The following CACNA1I variants were observed in gnomAD, a reference collection of about 807,000 sequenced individuals.
CACNA1I encodes the protein voltage-dependent T-type calcium channel subunit alpha-1I.
A neutral mutation model predicts 201.6 loss-of-function variants in CACNA1I; 74 were observed. That is an observed-to-expected ratio of 0.37 (90% CI 0.30 to 0.45). The LOEUF (loss-of-function observed/expected upper bound fraction) is 0.45, where lower values mean the gene tolerates loss of function less well. Among genes scored for constraint, CACNA1I ranks in the 20% least tolerant of loss-of-function variants. The probability of loss-of-function intolerance (pLI) is 1.00; values close to 1 mark genes in which losing one functional copy is unlikely to be tolerated. For missense variants in CACNA1I, 2,346 were observed against 3,138.1 expected (o/e 0.75, Z 6.03); for synonymous variants, 1,431 against 1,345.2 (o/e 1.06, Z -1.40).
At position 39,676,727 on chromosome 22, in the gene CACNA1I, A is replaced by C. The variant is rs5995766; in HGVS notation, c.4855-614A>C. Among the ~76,000 whole-genome samples the C allele has an allele frequency of 1.8e-3, 279 of 152,278 alleles. 1 individual carries two copies. The highest frequency in any genetic ancestry group is 6.7e-3 in the African/African-American group (278 of 41,546). Reference sequence around the variant, plus strand: ...GGCCCAAGGAGGCAAATCTGACCTCATGCAGCTGTGTTCCTGCTCTTGAAG... The same window carrying C: ...GGCCCAAGGAGGCAAATCTGACCTCCTGCAGCTGTGTTCCTGCTCTTGAAG... On this transcript the variant is annotated intron_variant, in intron 29 of 36. Transcript: ENST00000402142. The surrounding 1 kb of genome is among the most constrained non-coding windows in gnomAD (Gnocchi z 4.8).
At chr22:39,585,946 G>A (rs954937350) in intron 1 of CACNA1I, among the ~76,000 whole-genome samples, 1 of 151,736 alleles carries the variant, frequency 6.6e-6, no homozygotes, top group Non-Finnish European at 1.5e-5. Flanking sequence ...TTTGGAGGCC[G>A]AGGTGGGTGG....
chr22:39,594,912 G>GT (rs1932862843), intron 1 of CACNA1I, among the ~76,000 whole-genome samples: 1 of 152,148 alleles, frequency 6.6e-6, no homozygotes, highest in Non-Finnish European at 1.5e-5. Context: ...TATTTACTAT[G>GT]TTTTTTTCCT....
chr22:39,625,191 C>T (rs886573740), intron 4 of CACNA1I, among the ~76,000 whole-genome samples: 5 of 151,928 alleles, frequency 3.3e-5, no homozygotes, highest in Non-Finnish European at 7.4e-5. Flanking sequence ...CAAGCGTGAG[C>T]CACCGTGCCC....
rs542625556 is a variant in CACNA1I at position 39,601,100 on chromosome 22, C to T, written c.482+447C>T. On this transcript the variant is annotated intron_variant, in intron 3 of 36. Transcript: ENST00000402142. ...TTATTTCTACCGAGACACAAGCTGC[C>T]GTCAGGGACAGGCCTGGTTACAGCT... 1.7e-4 allele frequency among the ~76,000 whole-genome samples: 26 copies of T among 152,278 alleles called. No individual in the cohort carries two copies. The East Asian group carries it at 2.3e-3, about 14-fold the overall frequency.
At chr22:39,626,624 G>A (rs991192300) in intron 4 of CACNA1I, among the ~76,000 whole-genome samples, 4 of 151,974 alleles carry the variant, frequency 2.6e-5, no homozygotes, top group Non-Finnish European at 4.4e-5. Flanking sequence ...TTGAGACGGA[G>A]TCTTGCTCTG....
chr22:39,627,897 AG>A (rs1933943627), intron 4 of CACNA1I, among the ~76,000 whole-genome samples: 1 of 60,998 alleles, frequency 1.6e-5, no homozygotes, highest in African/African-American at 6.4e-5. Flanking sequence ...AGATGAAATG[AG>A]GGGGGCCAGT....
Position 39,649,354 on chromosome 22 carries a change from G to C in CACNA1I, c.1568-147G>C. On this transcript the variant is annotated intron_variant, in intron 9 of 36. Transcript: ENST00000402142. This position sits in a 1 kb window ranked among gnomAD's most constrained non-coding sequence, Gnocchi z 7.3. ...TCAGAGAGCTGCAGCCGCTTCCCCA[G>C]GCACCCCTGACCGCCTTTCCAGGCT... is the stretch of plus-strand genomic sequence containing the variant. 2 of 778,718 alleles carry C rather than the reference G, an allele frequency of 2.6e-6. No homozygotes were observed. Among genetic ancestry groups the C allele is most frequent in the Non-Finnish European group, 3.9e-6 (2 of 506,998 alleles). 48.2% of individuals were successfully genotyped at this position (778,718 alleles called of 1,614,324 possible). A position where few individuals can be genotyped will look rare whatever the true frequency, so the allele number is the denominator to read the frequency against.
chr22:39,592,036 T>G (rs1044651958), intron 1 of CACNA1I, among the ~76,000 whole-genome samples: 1 of 152,256 alleles, frequency 6.6e-6, no homozygotes, highest in Admixed American at 6.5e-5. Flanking sequence ...TTCTGAAGAC[T>G]TTGAGAGGTG....
chr22:39,623,812 G>A (rs1173878154), intron 4 of CACNA1I, among the ~76,000 whole-genome samples: 1 of 143,486 alleles, frequency 7.0e-6, no homozygotes, highest in African/African-American at 2.6e-5. Context: ...GGGTGTGTAC[G>A]TGTCAAGAGT....
Position 39,673,899 on chromosome 22 carries a change from T to C in CACNA1I, c.4784-64T>C, listed in dbSNP as rs2057583451. On this transcript the variant is annotated intron_variant, in intron 28 of 36. Transcript: ENST00000402142. ...TCCCAAGTTTACACACGTGCACACATGCGTGCACACACACGTCCCCACCGG... is the reference window on the plus strand; with the variant it reads ...TCCCAAGTTTACACACGTGCACACACGCGTGCACACACACGTCCCCACCGG... 4.0e-6 allele frequency: 6 copies of C among 1,495,776 alleles called. No individual in the cohort carries two copies. In the South Asian group the frequency reaches 5.7e-5, roughly 14 times the overall value. The allele number at this position is 1,495,776 out of a possible 1,614,324, so 92.7% of individuals were successfully genotyped here.
rs1248685159 is a variant in CACNA1I, at chr22:39,679,117, G to A, written c.5066G>A (p.Arg1689Gln). ...CTCCCTGCCACGCAGGACACGCTGC[G>A]GGACTGCACCCACGACGAGCGCAGC... The part of the protein sequence containing the change: ...NWNGIMKDTL[R>Q]DCTHDERSCL... Residue 1689 changes from arginine (R) to glutamine (Q), a missense_variant, in exon 32 of 37, where the codon CGG becomes CAG. Arg to Gln is a conservative substitution (Grantham distance 43, BLOSUM62 1). Around this residue, in one of 13 missense-constraint regions of CACNA1I, gnomAD observed 64 missense variants for 131.8 expected, o/e 0.49. Coordinates refer to ENST00000402142, the MANE Select transcript of CACNA1I (RefSeq NM_021096.4). 1.9e-6 allele frequency: 3 copies of A among 1,591,648 alleles called. No individual in the cohort carries two copies. Among genetic ancestry groups the A allele is most frequent in the Admixed American group, 3.5e-5 (2 of 57,910 alleles).
chr22:39,645,887 G>A (rs1171855059), intron 7 of CACNA1I, among the ~76,000 whole-genome samples: 8 of 152,202 alleles, frequency 5.3e-5, no homozygotes, highest in Non-Finnish European at 1.0e-4. Flanking sequence ...CACAGATAAA[G>A]CCACATGAAA....
intron 24 of CACNA1I, among the ~76,000 whole-genome samples, chr22:39,669,730 G>A (rs1441964285): frequency 6.6e-6 from 1 of 152,108 alleles, no homozygotes; most frequent in Non-Finnish European, 1.5e-5. Flanking sequence ...TGGGAGGATA[G>A]GTGGATGGAT....
intron 26 of CACNA1I, among the ~76,000 whole-genome samples, 183 bp from the exon 27 acceptor site, chr22:39,672,016 G>A (rs1935390051): frequency 1.3e-5 from 2 of 152,116 alleles, no homozygotes; most frequent in Non-Finnish European, 2.9e-5. Context: ...GGGAACAGAA[G>A]GAATAGCAGC....
chr22:39,577,707 A>G (rs1932406137), intron 1 of CACNA1I, among the ~76,000 whole-genome samples: 1 of 152,190 alleles, frequency 6.6e-6, no homozygotes, highest in African/African-American at 2.4e-5. Flanking sequence ...GCGAGAAACG[A>G]CGGTGGACCA....
chr22:39,600,674 AG>A, intron 3 of CACNA1I, 21 bp downstream of exon 3: 3 of 1,590,092 alleles, frequency 1.9e-6, no homozygotes, highest in Non-Finnish European at 2.6e-6. Flanking sequence ...CCCGCCAGGC[AG>A]GTCCTAGCCT....
rs370614164 is a variant in CACNA1I at position 39,659,070 on chromosome 22, G to A, written c.2284G>A (p.Val762Met). The change falls in exon 12 of 37, where the codon GTG (valine) becomes ATG (methionine). Residue 762 changes from valine to methionine, a missense_variant. Around this residue, in one of 13 missense-constraint regions of CACNA1I, gnomAD observed 155 missense variants for 300.8 expected, o/e 0.52. Coordinates refer to ENST00000402142, the MANE Select transcript of CACNA1I (RefSeq NM_021096.4). This position sits in a 1 kb window ranked among gnomAD's most constrained non-coding sequence, Gnocchi z 4.3. The part of the protein sequence containing the change: ...LVVLMKTMDN[V>M]ATFCMLLMLF... ...GGTGCTCATGAAGACCATGGACAAC[G>A]TGGCCACCTTCTGCATGCTGCTCAT... 3.1e-6 allele frequency: 5 copies of A among 1,613,518 alleles called. No homozygotes were observed. The highest frequency in any genetic ancestry group is 3.3e-5 in the Admixed American group (2 of 59,950).
intron 29 of CACNA1I, among the ~76,000 whole-genome samples, chr22:39,674,803 G>T (rs1032794415): frequency 2.0e-5 from 3 of 152,118 alleles, no homozygotes; most frequent in African/African-American, 7.2e-5. Flanking sequence ...AAAATACAAG[G>T]CACAGATACT....
rs749669916 is a variant in CACNA1I, at chr22:39,680,914, C to T, written c.5542-16C>T. 7.5e-6 allele frequency: 12 copies of T among 1,603,724 alleles called. No homozygotes were observed. Among genetic ancestry groups the T allele is most frequent in the Non-Finnish European group, 1.0e-5 (12 of 1,176,384 alleles). On this transcript the variant is annotated splice_polypyrimidine_tract_variant and intron_variant, in intron 33 of 36. Transcript: ENST00000402142. ...CCCAAACCTGGGTGACCCGAGGCCA[C>T]CCCCTCTTCCTGCAGGTGCAGCTGG...
Sources: allele counts gnomAD v4.1 joint callset (sites outside exome capture counted in the v4.1 genomes callset), GRCh38; gene constraint gnomAD v4.1.1; regional missense constraint gnomAD v4.1.1; non-coding constraint Gnocchi (gnomAD v3.1); transcripts MANE v1.5; gene names NCBI Gene and HGNC (gene_info 2026-07-23, HGNC 2026-07-21).